The following COX7B2 variants were observed in gnomAD, a reference collection of about 807,000 sequenced individuals.
COX7B2 encodes the protein cytochrome c oxidase subunit 7B2, mitochondrial.
For missense variants in COX7B2, 109 were observed against 95.9 expected (o/e 1.14, Z -0.57); for synonymous variants, 37 against 32.1 (o/e 1.15, Z -0.51).
chr4:46,769,331 T>C (rs975186719), intron 2 of COX7B2, among the ~76,000 whole-genome samples: 1 of 152,104 alleles, frequency 6.6e-6, no homozygotes, highest in African/African-American at 2.4e-5. Flanking sequence ...ATCAGAATAC[T>C]AGCAAAACAA....
intron 2 of COX7B2, among the ~76,000 whole-genome samples, chr4:46,784,775 T>C (rs1233146023): frequency 6.6e-6 from 1 of 152,254 alleles, no homozygotes; most frequent in Non-Finnish European, 1.5e-5. Context: ...AATTGTTGTC[T>C]TATGAATAAG....
intron 2 of COX7B2, among the ~76,000 whole-genome samples, chr4:46,768,970 T>C (rs1470291133): frequency 6.6e-6 from 1 of 150,998 alleles, no homozygotes; most frequent in Non-Finnish European, 1.5e-5. Flanking sequence ...ATGAAAAAAA[T>C]TCCTAGAAAT....
At chr4:46,738,217 G>C (rs1198889610) in intron 2 of COX7B2, among the ~76,000 whole-genome samples, 1 of 152,038 alleles carries the variant, frequency 6.6e-6, no homozygotes, top group Non-Finnish European at 1.5e-5. Flanking sequence ...GCTGCTTTAT[G>C]ACAAATTGAT....
At chr4:46,817,295 A>G (rs1173446742) in intron 2 of COX7B2, among the ~76,000 whole-genome samples, 1 of 152,202 alleles carries the variant, frequency 6.6e-6, no homozygotes, top group Non-Finnish European at 1.5e-5. Context: ...TATTTTTTCC[A>G]TTATAATAAC....
At chr4:46,862,926 G>T (rs369994124) in intron 1 of COX7B2, among the ~76,000 whole-genome samples, 1 of 152,094 alleles carries the variant, frequency 6.6e-6, no homozygotes, top group Non-Finnish European at 1.5e-5. Flanking sequence ...TTTACTGGAC[G>T]TATGGGTCAT....
intron 2 of COX7B2, among the ~76,000 whole-genome samples, chr4:46,775,250 T>TATA (rs1434435309): frequency 6.6e-6 from 1 of 152,092 alleles, no homozygotes; most frequent in Non-Finnish European, 1.5e-5. Context: ...AAGCATATAT[T>TATA]ATAAGGCAGT....
At position 46,802,139 on chromosome 4, in the gene COX7B2, G is replaced by T. The variant is rs549122378; in HGVS notation, c.-50+42821C>A. Among the ~76,000 whole-genome samples, 10 of 152,198 alleles carry T rather than the reference G, an allele frequency of 6.6e-5. 1 individual carries two copies. In the South Asian group the frequency reaches 2.1e-3, roughly 32 times the overall value. On this transcript the variant is annotated intron_variant, in intron 2 of 2. Coordinates refer to ENST00000355591, the MANE Select transcript of COX7B2 (RefSeq NM_130902.3). ...AGTTTGAAGTGATTTCCATTCATGT[G>T]ATCAAAATAATTCAAAAAGTAGTGT...
chr4:46,787,376 GGCAGAAGTT>G (rs1717803910), intron 2 of COX7B2, among the ~76,000 whole-genome samples: 1 of 151,990 alleles, frequency 6.6e-6, no homozygotes, highest in Non-Finnish European at 1.5e-5. Context: ...GAACCCGGGA[GGCAGAAGTT>G]GCAATGAGCC....
At chr4:46,859,144 G>A (rs1228196758) in intron 1 of COX7B2, among the ~76,000 whole-genome samples, 1 of 152,272 alleles carries the variant, frequency 6.6e-6, no homozygotes, top group Non-Finnish European at 1.5e-5. Context: ...GGGCTGAGAT[G>A]GCTGAAAATG....
intron 1 of COX7B2, among the ~76,000 whole-genome samples, chr4:46,852,511 T>C (rs930388500): frequency 2.6e-5 from 4 of 151,842 alleles, no homozygotes; most frequent in Non-Finnish European, 5.9e-5. Context: ...GTGCCATTGC[T>C]TTTGACCCTC....
chr4:46,758,513 A>C (rs552788935), intron 2 of COX7B2, among the ~76,000 whole-genome samples: 3 of 152,176 alleles, frequency 2.0e-5, no homozygotes, highest in Non-Finnish European at 4.4e-5. Context: ...TCAGGTGACG[A>C]AGCTGATATT....
intron 1 of COX7B2, among the ~76,000 whole-genome samples, chr4:46,887,276 C>A (rs758851372): frequency 6.6e-6 from 1 of 152,140 alleles, no homozygotes; most frequent in East Asian, 1.9e-4. Flanking sequence ...AGAAGCAGAA[C>A]TTTATTTTGT....
intron 2 of COX7B2, among the ~76,000 whole-genome samples, chr4:46,784,693 A>C (rs970830198): frequency 6.6e-6 from 1 of 152,204 alleles, no homozygotes; most frequent in African/African-American, 2.4e-5. Flanking sequence ...TAACCACCTG[A>C]AGTAAAATTC....
intron 2 of COX7B2, among the ~76,000 whole-genome samples, chr4:46,744,797 C>A (rs986326275): frequency 1.4e-5 from 2 of 138,156 alleles, no homozygotes; most frequent in Admixed American, 1.7e-4. Flanking sequence ...GGCTGTAGTG[C>A]AGTGGCGTAA....
At chr4:46,804,318 C>A (rs192776277) in intron 2 of COX7B2, among the ~76,000 whole-genome samples, 1 of 152,280 alleles carries the variant, frequency 6.6e-6, no homozygotes, top group East Asian at 1.9e-4. Flanking sequence ...AGGGACCCTA[C>A]CAGGTTGCCA....
chr4:46,781,757 AG>A (rs1485847887), intron 2 of COX7B2, among the ~76,000 whole-genome samples: 1 of 152,226 alleles, frequency 6.6e-6, no homozygotes, highest in African/African-American at 2.4e-5. Context: ...CAGGCTCAGC[AG>A]GCCCCACCCT....
intron 2 of COX7B2, among the ~76,000 whole-genome samples, chr4:46,757,761 G>A (rs1239605927): frequency 6.6e-6 from 1 of 152,094 alleles, no homozygotes; most frequent in African/African-American, 2.4e-5. Context: ...TTCAGAGACA[G>A]GCATAGCTCA....
At chr4:46,894,438 T>A (rs998521605) in intron 1 of COX7B2, among the ~76,000 whole-genome samples, 3 of 152,152 alleles carry the variant, frequency 2.0e-5, no homozygotes, top group Admixed American at 6.6e-5. Context: ...GTTACCTATA[T>A]GCAGAAGATT....
intron 2 of COX7B2, among the ~76,000 whole-genome samples, chr4:46,779,971 A>G (rs1438995283): frequency 6.6e-6 from 1 of 152,218 alleles, no homozygotes; most frequent in Non-Finnish European, 1.5e-5. Flanking sequence ...TAGATTTTAG[A>G]TAACTATGTG....
Sources: allele counts gnomAD v4.1 joint callset (sites outside exome capture counted in the v4.1 genomes callset), GRCh38; gene constraint gnomAD v4.1.1; transcripts MANE v1.5; gene names NCBI Gene and HGNC (gene_info 2026-07-23, HGNC 2026-07-21).